PRR14L: variants seen among roughly 807,000 people sequenced by gnomAD.
PRR14L encodes protein PRR14L.
PRR14L carries 80 observed loss-of-function variants against 155.0 expected under a neutral mutation model. That is an observed-to-expected ratio of 0.52 (90% CI 0.43 to 0.62). The LOEUF (loss-of-function observed/expected upper bound fraction) is 0.62. PRR14L is among the 20% of genes least tolerant of loss of function. The pLI, the probability that PRR14L is intolerant of heterozygous loss-of-function variation, is 0.00. For missense variants in PRR14L, 2,469 were observed against 2,548.0 expected (o/e 0.97, Z 0.67); for synonymous variants, 883 against 916.0 (o/e 0.96, Z 0.65).
At chr22:31,699,187 C>T (rs1458233344) in intron 7 of PRR14L, among the ~76,000 whole-genome samples, 1 of 152,014 alleles carries the variant, frequency 6.6e-6, no homozygotes, top group Admixed American at 6.6e-5. Context: ...CAGGCGTGTG[C>T]CACTACCGCC....
At chr22:31,689,036 G>A (rs2074497614) in intron 7 of PRR14L, among the ~76,000 whole-genome samples, 1 of 152,064 alleles carries the variant, frequency 6.6e-6, no homozygotes, top group South Asian at 2.1e-4. Flanking sequence ...CCAAAACAAT[G>A]AATTGGTTCC....
chr22:31,712,027 C>T (rs969944739), intron 4 of PRR14L, 56 bp downstream of exon 4: 110 of 1,499,862 alleles, frequency 7.3e-5, no homozygotes, highest in South Asian at 1.4e-4. Flanking sequence ...CTCTCATCTC[C>T]CCAGAGACAG....
intron 2 of PRR14L, among the ~76,000 whole-genome samples, chr22:31,727,667 A>G (rs939112313): frequency 2.0e-5 from 3 of 152,160 alleles, no homozygotes; most frequent in African/African-American, 2.4e-5. Flanking sequence ...GTTTGTGTTA[A>G]TCTGAAATAT....
chr22:31,707,500 C>T (rs1161411972), intron 4 of PRR14L, among the ~76,000 whole-genome samples: 1 of 152,192 alleles, frequency 6.6e-6, no homozygotes, highest in Non-Finnish European at 1.5e-5. Context: ...CCTGCCTCAG[C>T]CTCCCGAGTA....
intron 2 of PRR14L, among the ~76,000 whole-genome samples, chr22:31,734,644 A>C (rs1222674247): frequency 6.6e-6 from 1 of 152,174 alleles, no homozygotes; most frequent in Non-Finnish European, 1.5e-5. Flanking sequence ...AATGACCTCT[A>C]AATTGCTGAA....
chr22:31,731,148 T>C (rs1381282138), intron 2 of PRR14L, among the ~76,000 whole-genome samples: 1 of 152,104 alleles, frequency 6.6e-6, no homozygotes, highest in African/African-American at 2.4e-5. Flanking sequence ...CTTGGTTTCT[T>C]TTATCGGAAA....
Position 31,715,085 on chromosome 22 carries a change from C to G in PRR14L, c.2754G>C (p.Lys918Asn), listed in dbSNP as rs779858636. Residue 918 changes from lysine to asparagine, a missense_variant, in exon 4 of 9, where the codon AAG becomes AAC. Transcript: ENST00000327423. The stretch of plus-strand genomic sequence containing the variant: ...GTATAGCATGATCAGAGATGTTATA[C>G]TTACAAAATACAGTTTCTTTGGATA... ...QDVSKETVFC[K>N]YNISDHAIQE... The G allele has an allele frequency of 6.4e-7, 1 of 1,551,778 alleles. No homozygotes were observed. The highest frequency in any genetic ancestry group is 1.4e-5 in the African/African-American group (1 of 73,164).
Position 31,712,733 on chromosome 22 carries a change from A to AT in PRR14L, c.5105dup (p.Asp1702GlufsTer14). On this transcript the variant is annotated frameshift_variant, in exon 4 of 9. Coordinates refer to ENST00000327423, the MANE Select transcript of PRR14L (RefSeq NM_173566.3). LOFTEE classifies it high-confidence loss of function. ...GCAGGGACGGCATCTTGTTGCTCAA[A>AT]TCTATGAAGGTCATCTTGATGGATT... 2 of 1,551,766 alleles carry AT rather than the reference A, an allele frequency of 1.3e-6. No individual in the cohort carries two copies. The highest frequency in any genetic ancestry group is 1.7e-6 in the Non-Finnish European group (2 of 1,147,008).
intron 7 of PRR14L, 101 bp downstream of exon 7, chr22:31,701,555 A>C: frequency 1.6e-6 from 1 of 630,090 alleles, no homozygotes; most frequent in Admixed American, 3.2e-5. Context: ...CTAGAAATGT[A>C]ATAAATGGCT....
At chr22:31,698,704 G>C (rs1395077418) in intron 7 of PRR14L, among the ~76,000 whole-genome samples, 1 of 151,718 alleles carries the variant, frequency 6.6e-6, no homozygotes, top group African/African-American at 2.4e-5. Context: ...GCGGATCACG[G>C]GGTCAGGAGA....
chr22:31,720,607 C>A (rs1232731260), intron 3 of PRR14L, among the ~76,000 whole-genome samples: 1 of 152,146 alleles, frequency 6.6e-6, no homozygotes, highest in Non-Finnish European at 1.5e-5. Context: ...CGGTGGCAGG[C>A]ACCTGTAATC....
intron 1 of PRR14L, among the ~76,000 whole-genome samples, chr22:31,745,317 C>T (rs2074831975): frequency 6.6e-6 from 1 of 152,140 alleles, no homozygotes. Context: ...GCAGAGTTTG[C>T]AGTGAGCGGA....
intron 1 of PRR14L, among the ~76,000 whole-genome samples, chr22:31,742,941 T>C (rs895719632): frequency 2.0e-5 from 3 of 152,214 alleles, no homozygotes; most frequent in Non-Finnish European, 4.4e-5. Flanking sequence ...GAAGACATTA[T>C]GCTAAGTGAA....
intron 2 of PRR14L, among the ~76,000 whole-genome samples, chr22:31,733,837 T>C (rs1437400272): frequency 6.6e-6 from 1 of 152,078 alleles, no homozygotes; most frequent in African/African-American, 2.4e-5. Flanking sequence ...AAAAGTGGTA[T>C]CTCTGGTTAA....
At chr22:31,719,459 C>A (rs1454968682) in intron 3 of PRR14L, among the ~76,000 whole-genome samples, 1 of 151,918 alleles carries the variant, frequency 6.6e-6, no homozygotes, top group African/African-American at 2.4e-5. Context: ...AAATCTAATT[C>A]TTACTAGAAT....
At position 31,704,738 on chromosome 22, in the gene PRR14L, C is replaced by CA. The variant is rs1445261572; in HGVS notation, c.5757-13dup. 4.3e-6 allele frequency: 7 copies of CA among 1,609,744 alleles called. No individual in the cohort carries two copies. Among genetic ancestry groups the CA allele is most frequent in the Non-Finnish European group, 6.0e-6 (7 of 1,176,394 alleles). ...GTAACATGGTGTGGCTAAAGTAAAG[C>CA]AAAAGTACAAAAGCAATAGGTAAGG... On this transcript the variant is annotated splice_polypyrimidine_tract_variant and intron_variant, in intron 4 of 8. Coordinates refer to ENST00000327423, the MANE Select transcript of PRR14L (RefSeq NM_173566.3).
In PRR14L at chr22:31,713,668, T is replaced by C; in HGVS notation, c.4171A>G (p.Ser1391Gly). The change falls in exon 4 of 9, where the codon AGC becomes GGC. Residue 1391 changes from serine (S) to glycine (G), a missense_variant. Coordinates refer to ENST00000327423, the MANE Select transcript of PRR14L (RefSeq NM_173566.3). Reference protein sequence around the residue: ...GILNHAEKQQSPEVLDYMLQK... With the variant: ...GILNHAEKQQGPEVLDYMLQK... ...AACATGTAGTCCAAAACCTCAGGGC[T>C]CTGCTGTTTTTCAGCATGATTAAGT... 1 of 1,552,082 alleles carries C rather than the reference T, an allele frequency of 6.4e-7. No homozygotes were observed. The highest frequency in any genetic ancestry group is 8.7e-7 in the Non-Finnish European group (1 of 1,147,068).
Position 31,712,455 on chromosome 22 carries a change from T to C in PRR14L, c.5384A>G (p.Gln1795Arg). Residue 1795 changes from glutamine (Q) to arginine (R), a missense_variant, in exon 4 of 9, where the codon CAG (glutamine) becomes CGG (arginine). Coordinates refer to ENST00000327423, the MANE Select transcript of PRR14L (RefSeq NM_173566.3). ...HSQTHTQAPP[Q>R]PPAPLQDYGG... Reference sequence around the variant, plus strand: ...ATAGTCTTGGAGAGGAGCTGGAGGCTGGGGAGGAGCCTGAGTGTGGGTCTG... The same window carrying C: ...ATAGTCTTGGAGAGGAGCTGGAGGCCGGGGAGGAGCCTGAGTGTGGGTCTG... The C allele has an allele frequency of 6.4e-7, 1 of 1,555,354 alleles. No individual in the cohort carries two copies. The highest frequency in any genetic ancestry group is 8.7e-7 in the Non-Finnish European group (1 of 1,148,786).
intron 7 of PRR14L, among the ~76,000 whole-genome samples, chr22:31,698,502 G>GT (rs1021079650): frequency 7.0e-4 from 99 of 141,230 alleles, no homozygotes; most frequent in Admixed American, 1.9e-3. Flanking sequence ...AAAACAATGA[G>GT]TTTTTTTTTT....
Sources: allele counts gnomAD v4.1 joint callset (sites outside exome capture counted in the v4.1 genomes callset), GRCh38; gene constraint gnomAD v4.1.1; transcripts MANE v1.5; gene names NCBI Gene and HGNC (gene_info 2026-07-23, HGNC 2026-07-21).